The following SSX3 variants were observed in gnomAD, a reference collection of about 807,000 sequenced individuals.
SSX3 encodes the protein SSX family member 3, also known as protein SSX3.
SSX3 carries 6 observed loss-of-function variants against 14.8 expected under a neutral mutation model. The observed-to-expected ratio is 0.41, with a 90% CI of 0.22 to 0.80. SSX3 has a LOEUF of 0.80. Ranked by LOEUF, SSX3 falls within the 30% of genes least tolerant of loss-of-function variation. The probability of loss-of-function intolerance (pLI) is 0.34; values close to 1 mark genes in which losing one functional copy is unlikely to be tolerated. For missense variants in SSX3, 163 were observed against 152.2 expected (o/e 1.07, Z -0.37); for synonymous variants, 55 against 52.9 (o/e 1.04, Z -0.18).
At chrX:48,352,208 G>C (rs2061266494) in intron 4 of SSX3, 59 bp from the exon 5 acceptor site, 1 of 1,140,623 alleles carries the variant, frequency 8.8e-7, no homozygotes, top group African/African-American at 1.8e-5. Context: ...ACTCTAGAGA[G>C]ACTTCTGTCG....
intron 6 of SSX3, among the ~76,000 whole-genome samples, chrX:48,348,064 T>A (rs1336626809): frequency 8.0e-5 from 9 of 112,462 alleles, no homozygotes; most frequent in South Asian, 3.6e-4. Flanking sequence ...TTACTAAAAT[T>A]GTTTTTGTTG....
chrX:48,354,895 C>T, intron 2 of SSX3, 149 bp from the exon 3 acceptor site: 2 of 1,194,074 alleles, frequency 1.7e-6, no homozygotes, highest in Non-Finnish European at 2.3e-6. Context: ...CATGAGGGAC[C>T]TTCCTAGCTT....
At chrX:48,351,826 C>T (rs1304695301) in intron 5 of SSX3, among the ~76,000 whole-genome samples, 10 of 112,043 alleles carry the variant, frequency 8.9e-5, no homozygotes, top group Non-Finnish European at 1.5e-4. Context: ...CATTATTATT[C>T]GGAGATAATA....
intron 2 of SSX3, 114 bp from the exon 3 acceptor site, chrX:48,354,860 T>A (rs1255373076): frequency 1.7e-6 from 2 of 1,194,328 alleles, no homozygotes; most frequent in East Asian, 6.0e-5. Flanking sequence ...TCCTTCCTGG[T>A]TGATGCCACG....
intron 5 of SSX3, among the ~76,000 whole-genome samples, 198 bp downstream of exon 5, chrX:48,351,902 A>G (rs1202480659): frequency 2.7e-5 from 3 of 112,214 alleles, no homozygotes; most frequent in Admixed American, 9.5e-5. Flanking sequence ...AGTATCTGGC[A>G]TCACTATGAA....
At position 48,348,711 on chromosome X, in the gene SSX3, T is replaced by C. The variant is rs1488450800; in HGVS notation, c.467-1107A>G. 3.6e-5 allele frequency among the ~76,000 whole-genome samples: 4 copies of C among 112,384 alleles called. 1 individual carries two copies. Among genetic ancestry groups the C allele is most frequent in the African/African-American group, 1.3e-4 (4 of 30,921 alleles). On this transcript the variant is annotated intron_variant, in intron 6 of 7. Coordinates refer to ENST00000298396, the MANE Select transcript of SSX3 (RefSeq NM_021014.4). ...AAGGAAAAGTTCTTGAAGGAAATAA[T>C]AATACTAATACTCCAGTGAACACAC...
At chrX:48,348,361 CTT>C (rs2061247388) in intron 6 of SSX3, 2 of 515,879 alleles carry the variant, frequency 3.9e-6, no homozygotes, top group South Asian at 2.5e-5. Flanking sequence ...ATATGACAAA[CTT>C]AATCGATTAA....
At chrX:48,350,734 T>C in intron 5 of SSX3, among the ~76,000 whole-genome samples, 1 of 110,744 alleles carries the variant, frequency 9.0e-6, no homozygotes, top group African/African-American at 3.3e-5. Context: ...TGCATTGGGA[T>C]GTGTACTGAC....
Position 48,353,999 on chromosome X carries a change from C to T in SSX3, c.280G>A (p.Val94Ile). 1 of 1,207,534 alleles carries T rather than the reference C, an allele frequency of 8.3e-7. No homozygotes were observed. Among genetic ancestry groups the T allele is most frequent in the Non-Finnish European group, 1.1e-6 (1 of 892,326 alleles). Residue 94 changes from valine to isoleucine, a missense_variant and splice_region_variant, in exon 4 of 8, where the codon GTT becomes ATT. Coordinates refer to ENST00000298396, the MANE Select transcript of SSX3 (RefSeq NM_021014.4). ...FDNDPNRGNQ[V>I]QRPQMTFGRL... ...TTCCAGCCCCTTCCCATCTACTCAC[C>T]CTGATTCCCACGGTTAGGGTCATTA...
rs180818728 is a variant in SSX3 at position 48,350,500 on chromosome X, T to C, written c.331-378A>G. 2.7e-5 allele frequency among the ~76,000 whole-genome samples: 3 copies of C among 111,263 alleles called. No individual in the cohort carries two copies. The Admixed American group carries it at 2.9e-4, about 11-fold the overall frequency. ...ATACAAGGGATCCCATATAAGCTTG[T>C]AGACAGCTGCTGGGAGAGTAAATGT... is the stretch of plus-strand genomic sequence containing the variant. On this transcript the variant is annotated intron_variant, in intron 5 of 7. Transcript: ENST00000298396.
In SSX3 at chrX:48,346,818, A is replaced by T; in HGVS notation, c.*222T>A. On this transcript the variant is annotated 3_prime_UTR_variant, in exon 8 of 8. Coordinates refer to ENST00000298396, the MANE Select transcript of SSX3 (RefSeq NM_021014.4). The stretch of plus-strand genomic sequence containing the variant: ...TGTCTTGCTCATCAGTGAAAATGTT[A>T]ATATCTAACAGAATGACACACTTCA... The T allele has an allele frequency of 3.3e-6, 2 of 609,538 alleles. No individual in the cohort carries two copies. The highest frequency in any genetic ancestry group is 5.1e-6 in the Non-Finnish European group (2 of 390,414). The allele number at this position is 609,538 out of a possible 1,213,427, so 50.2% of individuals were successfully genotyped here.
chrX:48,355,071 C>T, intron 2 of SSX3, 110 bp downstream of exon 2: 1 of 1,203,542 alleles, frequency 8.3e-7, no homozygotes, highest in Non-Finnish European at 1.1e-6. Flanking sequence ...CCAGATCTCC[C>T]CTGAGACCCT....
At chrX:48,354,129 C>G (rs782613554) in intron 3 of SSX3, 35 bp from the exon 4 acceptor site, 9 of 1,132,365 alleles carry the variant, frequency 7.9e-6, no homozygotes, top group Non-Finnish European at 1.1e-5. Flanking sequence ...CCTTAAGAGA[C>G]AAGCTTGGGC....
Position 48,355,244 on chromosome X carries a change from G to A in SSX3, c.6C>T (p.Asn2=), listed in dbSNP as rs200969993. The change falls in exon 2 of 8, where the codon AAC becomes AAT. Residue 2 remains asparagine, a synonymous_variant. Coordinates refer to ENST00000298396, the MANE Select transcript of SSX3 (RefSeq NM_021014.4). ...GTCTCCTTGCAAAGGTGTCATCTCC[G>A]TTCATGGCACAGGGAGTAGTCTGAC... M[N]GDDTFARRPT... 1.5e-5 allele frequency: 18 copies of A among 1,209,094 alleles called. No individual in the cohort carries two copies. The highest frequency in any genetic ancestry group is 7.0e-5 in the South Asian group (4 of 56,743).
In SSX3 at chrX:48,354,750, CAA is replaced by C. The variant is rs782293469; in HGVS notation, c.70-6_70-5del. 1,616 of 1,027,533 alleles carry C rather than the reference CAA, an allele frequency of 1.6e-3. No homozygotes were observed. The highest frequency in any genetic ancestry group is 6.5e-3 in the Admixed American group (228 of 35,113). The allele number at this position is 1,027,533 out of a possible 1,213,427, so 84.7% of individuals were successfully genotyped here. On this transcript the variant is annotated splice_region_variant and splice_polypyrimidine_tract_variant and intron_variant, in intron 2 of 7. Transcript: ENST00000298396. The stretch of plus-strand genomic sequence containing the variant: ...ATTTGGCAATATCATCGAAGGCCTA[CAA>C]AAAAAAAAAAAAGGAATTATGGCAG...
chrX:48,347,982 T>C (rs2061245945), intron 6 of SSX3, among the ~76,000 whole-genome samples: 1 of 112,817 alleles, frequency 8.9e-6, no homozygotes, highest in African/African-American at 3.2e-5. Context: ...TTGGAAATTC[T>C]CACCAATTTT....
intron 2 of SSX3, 131 bp downstream of exon 2, chrX:48,355,050 C>G (rs2061280555): frequency 5.0e-6 from 6 of 1,201,980 alleles, no homozygotes; most frequent in Non-Finnish European, 6.7e-6. Flanking sequence ...GGGTGGGAGG[C>G]TCCCAAGGGT....
intron 5 of SSX3, among the ~76,000 whole-genome samples, chrX:48,351,020 C>T (rs782088884): frequency 1.1e-4 from 12 of 110,359 alleles, no homozygotes; most frequent in Non-Finnish European, 1.9e-4. Context: ...CTGCCCGACT[C>T]AGCCTCCCAA....
At chrX:48,349,567 T>C (rs1556949155) in intron 6 of SSX3, 1 of 1,210,179 alleles carries the variant, frequency 8.3e-7, no homozygotes, top group Admixed American at 2.2e-5. Context: ...GAACCGAACC[T>C]GCAGTATCTC....
Sources: gnomAD v4.1 joint callset for allele counts (sites outside exome capture counted in the v4.1 genomes callset) on GRCh38, gnomAD v4.1.1 for gene constraint, MANE v1.5 for transcripts, NCBI Gene and HGNC (gene_info 2026-07-23, HGNC 2026-07-21) for gene names.